Variants in TYW1 observed in about 807,000 individuals in gnomAD.
TYW1 encodes the protein S-adenosyl-L-methionine-dependent tRNA 4-demethylwyosine synthase TYW1.
Under a neutral mutation model 96.2 loss-of-function variants are expected in TYW1, and 46 were observed. The ratio of observed to expected loss-of-function variants is 0.48; its 90% CI spans 0.38 to 0.61. The LOEUF (loss-of-function observed/expected upper bound fraction) is 0.61. Among genes scored for constraint, TYW1 ranks in the 20% least tolerant of loss-of-function variants. The pLI is 0.00. For missense variants in TYW1, 684 were observed against 909.6 expected, an observed-to-expected ratio of 0.75 and a Z score of 3.19; for synonymous variants, 274 against 323.0, an observed-to-expected ratio of 0.85 and a Z score of 1.63.
chr7:67,062,193 G>T (rs550858678), intron 9 of TYW1, among the ~76,000 whole-genome samples: 18 of 152,202 alleles, frequency 1.2e-4, no homozygotes, highest in African/African-American at 4.3e-4. Flanking sequence ...GGCGGATCAT[G>T]AGGTTAGGAA....
intron 10 of TYW1, among the ~76,000 whole-genome samples, chr7:67,082,815 G>A (rs1351087428): frequency 1.2e-4 from 19 of 152,180 alleles, no homozygotes; most frequent in Non-Finnish European, 2.6e-4. Flanking sequence ...GGTATAGCTT[G>A]GGTTATGGCA....
intron 12 of TYW1, among the ~76,000 whole-genome samples, chr7:67,107,341 A>G (rs1797274219): frequency 1.3e-5 from 2 of 152,148 alleles, no homozygotes; most frequent in South Asian, 4.1e-4. Flanking sequence ...CCCCCAGCCT[A>G]TCTTGTTTGC....
chr7:67,042,070 TTA>T (rs1795045972), intron 7 of TYW1, among the ~76,000 whole-genome samples: 1 of 125,330 alleles, frequency 8.0e-6, no homozygotes, highest in Admixed American at 8.7e-5. Flanking sequence ...AATTATATAA[TTA>T]TATTAGAATT....
At chr7:67,009,075 T>C (rs1232158298) in intron 3 of TYW1, among the ~76,000 whole-genome samples, 1 of 152,218 alleles carries the variant, frequency 6.6e-6, no homozygotes, top group Non-Finnish European at 1.5e-5. Flanking sequence ...ATTGGTGTGA[T>C]CGTAGCTCAC....
At chr7:67,029,424 T>C (rs369527991) in intron 7 of TYW1, among the ~76,000 whole-genome samples, 58 of 136,076 alleles carry the variant, frequency 4.3e-4, no homozygotes, top group East Asian at 1.3e-3. Context: ...TGTATATATA[T>C]ATATATATAA....
intron 11 of TYW1, among the ~76,000 whole-genome samples, chr7:67,089,034 G>A (rs1796633056): frequency 6.6e-6 from 1 of 152,104 alleles, no homozygotes; most frequent in African/African-American, 2.4e-5. Flanking sequence ...CTCCACTTTG[G>A]CCTCTTTTTG....
intron 13 of TYW1, among the ~76,000 whole-genome samples, chr7:67,169,106 C>T (rs184440601): frequency 3.3e-5 from 5 of 152,226 alleles, no homozygotes; most frequent in African/African-American, 1.2e-4. Flanking sequence ...GGCATTTCTT[C>T]TATTAACTTC....
At chr7:67,101,882 A>G (rs1250646046) in intron 12 of TYW1, among the ~76,000 whole-genome samples, 1 of 152,236 alleles carries the variant, frequency 6.6e-6, no homozygotes, top group African/African-American at 2.4e-5. Flanking sequence ...GTATTGTCAT[A>G]AAGATATCTA....
chr7:67,024,230 A>G (rs1231378814), intron 6 of TYW1, among the ~76,000 whole-genome samples: 2 of 152,038 alleles, frequency 1.3e-5, no homozygotes, highest in South Asian at 4.2e-4. Flanking sequence ...GGGTTTCACT[A>G]TGTTGCCCAG....
chr7:67,203,705 C>T (rs1412890194), intron 15 of TYW1, among the ~76,000 whole-genome samples: 3 of 152,164 alleles, frequency 2.0e-5, no homozygotes, highest in African/African-American at 7.2e-5. Flanking sequence ...TGTATTTACT[C>T]ATATTCTTAC....
intron 7 of TYW1, 73 bp from the exon 8 acceptor site, chr7:67,049,876 T>C: frequency 3.8e-6 from 6 of 1,570,304 alleles, no homozygotes; most frequent in Non-Finnish European, 5.2e-6. Flanking sequence ...TGATGCTAGG[T>C]GTTCATGATT....
intron 13 of TYW1, among the ~76,000 whole-genome samples, chr7:67,162,570 C>T (rs1799194803): frequency 6.6e-6 from 1 of 152,140 alleles, no homozygotes. Flanking sequence ...CATAATTTGG[C>T]TGTCTTAAAT....
intron 15 of TYW1, among the ~76,000 whole-genome samples, chr7:67,206,796 C>T (rs28556313): frequency 0.27 from 40,722 of 151,934 alleles, 5,822 homozygotes; most frequent in African/African-American, 0.36. Context: ...ATATCAACTA[C>T]TCAACATCTT....
Position 67,098,710 on chromosome 7 carries a change from G to A in TYW1, c.1554G>A (p.Ala518=), listed in dbSNP as rs752487764. The A allele has an allele frequency of 5.6e-6, 9 of 1,613,384 alleles. No homozygotes were observed. The highest frequency in any genetic ancestry group is 2.7e-5 in the African/African-American group (2 of 74,910). Reference sequence around the variant, plus strand: ...TGGTCACAAACGCACAATTTCCTGCGGAAATCAGGTGAGTTCTCCAGCCTA... The same window carrying A: ...TGGTCACAAACGCACAATTTCCTGCAGAAATCAGGTGAGTTCTCCAGCCTA... ...SFLVTNAQFP[A]EIRNLEPVTQ... is the part of the protein sequence containing the mutation. The change falls in exon 12 of 16, where the codon GCG becomes GCA. Residue 518 remains alanine, a synonymous_variant. Transcript: ENST00000359626.
chr7:67,189,386 ATG>A (rs1286347111), intron 14 of TYW1, among the ~76,000 whole-genome samples: 8 of 142,472 alleles, frequency 5.6e-5, no homozygotes, highest in South Asian at 2.2e-4. Context: ...ATGTGTGTTC[ATG>A]TGTGTGTTGT....
chr7:67,223,213 G>C (rs1329013993), intron 15 of TYW1, among the ~76,000 whole-genome samples: 1 of 152,036 alleles, frequency 6.6e-6, no homozygotes, highest in Non-Finnish European at 1.5e-5. Context: ...GTTTTCTTTT[G>C]GATGGACCGT....
chr7:67,011,330 G>A (rs1333393373), intron 4 of TYW1, among the ~76,000 whole-genome samples: 3 of 152,214 alleles, frequency 2.0e-5, no homozygotes, highest in South Asian at 4.1e-4. Flanking sequence ...GAGCCACTGC[G>A]CCCAGGCGCA....
chr7:67,022,752 G>A (rs1264294044), intron 6 of TYW1, among the ~76,000 whole-genome samples: 1 of 152,164 alleles, frequency 6.6e-6, no homozygotes, highest in South Asian at 2.1e-4. Context: ...CTAAATTAAA[G>A]AACACATTCA....
chr7:67,174,609 TA>T (rs148572347), intron 13 of TYW1, among the ~76,000 whole-genome samples: 14,396 of 142,024 alleles, frequency 0.1, 939 homozygotes, highest in East Asian at 0.24. Context: ...TTTTTTTTTT[TA>T]AAAAAAAGAA....
Sources: allele counts gnomAD v4.1 joint callset (sites outside exome capture counted in the v4.1 genomes callset), GRCh38; gene constraint gnomAD v4.1.1; transcripts MANE v1.5; gene names NCBI Gene and HGNC (gene_info 2026-07-23, HGNC 2026-07-21).